Variants in TRERF1 observed in about 807,000 individuals in gnomAD.
TRERF1 encodes the protein transcriptional-regulating factor 1.
TRERF1 carries 27 observed loss-of-function variants against 122.9 expected under a neutral mutation model. The observed-to-expected ratio is 0.22, with a 90% CI of 0.16 to 0.30. The LOEUF (loss-of-function observed/expected upper bound fraction) is 0.30. Ranked by LOEUF, TRERF1 falls within the 10% of genes least tolerant of loss-of-function variation. The probability of loss-of-function intolerance (pLI) is 1.00; values close to 1 mark genes in which losing one functional copy is unlikely to be tolerated. For synonymous variants in TRERF1, 636 were observed against 641.7 expected (o/e 0.99, Z 0.13); for missense variants, 1,248 against 1,560.3 (o/e 0.80, Z 3.37).
chr6:42,350,137 G>A (rs1011122284), intron 3 of TRERF1, among the ~76,000 whole-genome samples: 3 of 152,032 alleles, frequency 2.0e-5, no homozygotes, highest in South Asian at 2.1e-4. Flanking sequence ...CCACCCACCC[G>A]ACGCAGGTCA....
At chr6:42,356,347 T>C (rs534262321) in intron 3 of TRERF1, among the ~76,000 whole-genome samples, 1 of 152,212 alleles carries the variant, frequency 6.6e-6, no homozygotes, top group African/African-American at 2.4e-5. Context: ...GATAATTAAG[T>C]TTAGGTAAGG....
intron 3 of TRERF1, among the ~76,000 whole-genome samples, chr6:42,341,454 C>A (rs1003848883): frequency 3.9e-5 from 6 of 152,236 alleles, no homozygotes; most frequent in African/African-American, 1.4e-4. Context: ...TAAGGATTTT[C>A]ATTCTGCCGA....
At chr6:42,262,243 GGTT>G (rs1778041003) in intron 8 of TRERF1, among the ~76,000 whole-genome samples, 1 of 151,844 alleles carries the variant, frequency 6.6e-6, no homozygotes, top group Non-Finnish European at 1.5e-5. Context: ...ACACCATAAA[GGTT>G]TTTTTCTGTA....
chr6:42,292,486 A>G (rs1345915100), intron 4 of TRERF1, among the ~76,000 whole-genome samples: 1 of 152,246 alleles, frequency 6.6e-6, no homozygotes, highest in East Asian at 1.9e-4. Context: ...TAGTTCGTTC[A>G]GTAGAATTGT....
intron 2 of TRERF1, among the ~76,000 whole-genome samples, chr6:42,444,665 C>T (rs116475601): frequency 6.6e-6 from 1 of 152,278 alleles, no homozygotes; most frequent in African/African-American, 2.4e-5. Flanking sequence ...CAGACCTTCT[C>T]AAGGGCTTTT....
chr6:42,240,345 G>A (rs1773402397), intron 15 of TRERF1, among the ~76,000 whole-genome samples: 1 of 152,204 alleles, frequency 6.6e-6, no homozygotes, highest in Non-Finnish European at 1.5e-5. Context: ...TACCTTAGAA[G>A]ACCATATTCT....
chr6:42,290,703 T>A (rs1247030526), intron 4 of TRERF1, among the ~76,000 whole-genome samples: 1 of 150,924 alleles, frequency 6.6e-6, no homozygotes, highest in African/African-American at 2.4e-5. Context: ...AAGCCACAGG[T>A]TAGAGAAAAT....
chr6:42,298,583 T>C (rs1256356498), intron 4 of TRERF1, among the ~76,000 whole-genome samples: 2 of 147,946 alleles, frequency 1.4e-5, no homozygotes, highest in Non-Finnish European at 3.0e-5. Context: ...AGTGGGTGGA[T>C]CACTGGAGGT....
At chr6:42,353,053 TC>T (rs1769773575) in intron 3 of TRERF1, among the ~76,000 whole-genome samples, 1 of 152,148 alleles carries the variant, frequency 6.6e-6, no homozygotes, top group Admixed American at 6.5e-5. Context: ...TGTAAACTCA[TC>T]ACTTTGTAGT....
chr6:42,344,451 G>A lies in TRERF1; in HGVS notation c.-371+18546C>T, dbSNP rs142105359. 7.9e-5 allele frequency among the ~76,000 whole-genome samples: 12 copies of A among 152,218 alleles called. No individual in the cohort carries two copies. The East Asian group carries it at 1.7e-3, about 22-fold the overall frequency. On this transcript the variant is annotated intron_variant, in intron 3 of 17. Transcript: ENST00000372922. Reference sequence around the variant, plus strand: ...GAAGATGAGTTATTTACCCAAAACCGTGTAGCTAGTAAGCAACGAGGTCAG... The same window carrying A: ...GAAGATGAGTTATTTACCCAAAACCATGTAGCTAGTAAGCAACGAGGTCAG...
At chr6:42,251,168 G>C (rs1341126801) in intron 13 of TRERF1, among the ~76,000 whole-genome samples, 1 of 151,606 alleles carries the variant, frequency 6.6e-6, no homozygotes. Context: ...GCTAATTTTT[G>C]TATTTTTAGT....
At chr6:42,350,880 A>G (rs573028681) in intron 3 of TRERF1, among the ~76,000 whole-genome samples, 9 of 152,224 alleles carry the variant, frequency 5.9e-5, no homozygotes, top group Non-Finnish European at 1.2e-4. Context: ...GAATACACAC[A>G]CCGCATAAAA....
At chr6:42,321,938 G>T (rs1483168455) in intron 3 of TRERF1, among the ~76,000 whole-genome samples, 1 of 152,178 alleles carries the variant, frequency 6.6e-6, no homozygotes, top group East Asian at 1.9e-4. Flanking sequence ...CAGCCTTTAA[G>T]ATCAACCTGT....
chr6:42,264,547 G>C (rs1778802167), intron 7 of TRERF1, among the ~76,000 whole-genome samples, 157 bp downstream of exon 7: 1 of 152,262 alleles, frequency 6.6e-6, no homozygotes, highest in Non-Finnish European at 1.5e-5. Context: ...TGCTTGACCT[G>C]GCTGGCTCCC....
chr6:42,264,594 T>C, intron 7 of TRERF1, 110 bp downstream of exon 7: 1 of 1,495,704 alleles, frequency 6.7e-7, no homozygotes. Flanking sequence ...AAGGGAGGAC[T>C]GTGCCTCGCC....
chr6:42,230,670 T>G (rs921201971), intron 17 of TRERF1, among the ~76,000 whole-genome samples: 2 of 152,138 alleles, frequency 1.3e-5, no homozygotes, highest in South Asian at 2.1e-4. Flanking sequence ...GGTGCACCAG[T>G]GTGTGGTGGG....
intron 2 of TRERF1, among the ~76,000 whole-genome samples, chr6:42,408,073 C>G (rs1478999977): frequency 6.6e-6 from 1 of 151,718 alleles, no homozygotes; most frequent in African/African-American, 2.4e-5. Context: ...GTTCCTATGC[C>G]TGGGTTATTT....
intron 2 of TRERF1, among the ~76,000 whole-genome samples, chr6:42,444,284 A>G (rs1459468033): frequency 6.6e-6 from 1 of 151,620 alleles, no homozygotes; most frequent in Non-Finnish European, 1.5e-5. Flanking sequence ...TCTTTTTCTA[A>G]TCATAGTTTT....
At chr6:42,360,795 A>AC (rs1301353142) in intron 3 of TRERF1, among the ~76,000 whole-genome samples, 3 of 148,750 alleles carry the variant, frequency 2.0e-5, no homozygotes, top group Non-Finnish European at 3.0e-5. Flanking sequence ...AAAAAAAAAA[A>AC]AAAAAAACCT....
Sources: allele counts gnomAD v4.1 joint callset (sites outside exome capture counted in the v4.1 genomes callset), GRCh38; gene constraint gnomAD v4.1.1; transcripts MANE v1.5; gene names NCBI Gene and HGNC (gene_info 2026-07-23, HGNC 2026-07-21).